Variants in TTN observed in about 807,000 individuals in gnomAD.
The protein encoded by TTN is connectin.
In TTN, 1,525 loss-of-function variants were observed where a neutral mutation model predicts 3,223.0. The ratio of observed to expected loss-of-function variants is 0.47; its 90% CI spans 0.45 to 0.49. TTN has a LOEUF of 0.49. Ranked by LOEUF, TTN falls within the 20% of genes least tolerant of loss-of-function variation. The pLI, the probability that TTN is intolerant of heterozygous loss-of-function variation, is 0.00. For synonymous variants in TTN, 14,094 were observed against 15,161.0 expected (o/e 0.93, Z 5.17); for missense variants, 40,786 against 43,424.0 (o/e 0.94, Z 5.40).
Position 178,557,404 on chromosome 2 carries a change from T to G in TTN, c.87858A>C (p.Lys29286Asn). The change falls in exon 329 of 363, where the codon AAA becomes AAC. Residue 29286 changes from lysine to asparagine, a missense_variant. Lys to Asn is a moderately conservative substitution (Grantham distance 94, BLOSUM62 0). Transcript: ENST00000589042. The stretch of plus-strand genomic sequence containing the variant: ...TTGTGCGGATGACCAGTTTGTTGGC[T>G]TTTTGCCATAAAATACTGTTTCTGT... The part of the protein sequence containing the change: ...MKDRNSILWQ[K>N]ANKLVIRTTH... The G allele has an allele frequency of 1.2e-6, 2 of 1,613,942 alleles. No homozygotes were observed. The highest frequency in any genetic ancestry group is 1.7e-6 in the Non-Finnish European group (2 of 1,179,854).
Position 178,533,062 on chromosome 2 carries a change from G to A in TTN, c.103553C>T (p.Thr34518Ile), listed in dbSNP as rs746885628. ...CTCAAGTCTGAATTCCCCTTTTACA[G>A]TCTTGGTGCTTACAGCCGGTTTATA... ...VLYKPAVSTK[T>I]VKGEFRLEIE... The change falls in exon 358 of 363, where the codon ACT (threonine) becomes ATT (isoleucine). Residue 34518 changes from threonine (T) to isoleucine (I), a missense_variant. By Grantham distance (89) the Thr-to-Ile change is moderately conservative (BLOSUM62 -1). Coordinates refer to ENST00000589042, the MANE Select transcript of TTN (RefSeq NM_001267550.2). The A allele has an allele frequency of 6.2e-7, 1 of 1,613,814 alleles. No individual in the cohort carries two copies. The highest frequency in any genetic ancestry group is 2.2e-5 in the East Asian group (1 of 44,876).
chr2:178,580,170 CAT>C lies in TTN; in HGVS notation c.67115_67116del (p.Tyr22372CysfsTer9), dbSNP rs2154176111. 6.2e-7 allele frequency: 1 copy of C among 1,613,250 alleles called. No homozygotes were observed. The highest frequency in any genetic ancestry group is 8.5e-7 in the Non-Finnish European group (1 of 1,179,500). On this transcript the variant is annotated frameshift_variant, in exon 318 of 363. Coordinates refer to ENST00000589042, the MANE Select transcript of TTN (RefSeq NM_001267550.2). LOFTEE classifies it high-confidence loss of function. ...TCAATAATGGGAGGCTCCCAGGTAA[CAT>C]AAGCAGAGTCTTTGGATATTTCCTT... Reference protein sequence around the residue: ...TVKEISKDSAYVTWEPPIIDG... With the variant: ...TVKEISKDSAXVTWEPPIIDG...
rs397517541 is a variant in TTN, at chr2:178,783,023, G to A, written c.2883C>T (p.Thr961=). ...GGTATCCAGAGATGTGGCACTCCAA[G>A]GTGACAGATTCACCTTCTATGACAG... is the stretch of plus-strand genomic sequence containing the variant. ...NVTVIEGESV[T]LECHISGYPS... is the part of the protein sequence containing the mutation. The change falls in exon 18 of 363, where the codon ACC becomes ACT. Residue 961 remains threonine (T), a synonymous_variant. Transcript: ENST00000589042. 4 of 1,613,900 alleles carry A rather than the reference G, an allele frequency of 2.5e-6. No individual in the cohort carries two copies. In the African/African-American group the frequency reaches 5.3e-5, roughly 22 times the overall value.
At position 178,558,475 on chromosome 2, in the gene TTN, G is replaced by A. The variant is rs754768962; in HGVS notation, c.86984C>T (p.Ala28995Val). ...GGAAACAACGTGATGGGTTGACTTT[G>A]CCACTGCACATTTAACCCAGTTTTT... ...GQKNWVKCAVAKSTHHVVSGL... is the reference protein window; with the variant it reads ...GQKNWVKCAVVKSTHHVVSGL... Residue 28995 changes from alanine to valine, a missense_variant, in exon 327 of 363, where the codon GCA (alanine) becomes GTA (valine). Physicochemically the swap from Ala to Val is moderately conservative, Grantham distance 64. Coordinates refer to ENST00000589042, the MANE Select transcript of TTN (RefSeq NM_001267550.2). 1.2e-6 allele frequency: 2 copies of A among 1,613,820 alleles called. No individual in the cohort carries two copies. Among genetic ancestry groups the A allele is most frequent in the Non-Finnish European group, 1.7e-6 (2 of 1,179,828 alleles).
In TTN at chr2:178,575,405, G is replaced by A; in HGVS notation, c.70727C>T (p.Ser23576Phe). The change falls in exon 326 of 363, where the codon TCT becomes TTT. Residue 23576 changes from serine (S) to phenylalanine (F), a missense_variant. Ser to Phe is a radical substitution (Grantham distance 155). Coordinates refer to ENST00000589042, the MANE Select transcript of TTN (RefSeq NM_001267550.2). This position sits in a 1 kb window ranked among gnomAD's most constrained non-coding sequence, Gnocchi z 4.0. Reference sequence around the variant, plus strand: ...GGTTGTGATGTGGGTCCACTGGTCAGAGCCTTTTCTTTGGGCTTCAATCAC... The same window carrying A: ...GGTTGTGATGTGGGTCCACTGGTCAAAGCCTTTTCTTTGGGCTTCAATCAC... ...GYVIEAQRKGSDQWTHITTVK... is the reference protein window; with the variant it reads ...GYVIEAQRKGFDQWTHITTVK... The A allele has an allele frequency of 6.2e-7, 1 of 1,613,622 alleles. No homozygotes were observed. Among genetic ancestry groups the A allele is most frequent in the Admixed American group, 1.7e-5 (1 of 60,012 alleles).
chr2:178,792,015 C>A lies in TTN; in HGVS notation c.1662+57G>T, dbSNP rs1283972667. 9.5e-6 allele frequency: 15 copies of A among 1,582,086 alleles called. No homozygotes were observed. The East Asian group carries it at 3.4e-4, about 36-fold the overall frequency. ...GGTTTTGACTATAAGCTACCTGCAGCTGGCTGTAATGTGATATTGTCAACA... is the reference window on the plus strand; with the variant it reads ...GGTTTTGACTATAAGCTACCTGCAGATGGCTGTAATGTGATATTGTCAACA... On this transcript the variant is annotated intron_variant, in intron 10 of 362. Coordinates refer to ENST00000589042, the MANE Select transcript of TTN (RefSeq NM_001267550.2).
chr2:178,541,832 G>T, intron 349 of TTN: 3 of 229,930 alleles, frequency 1.3e-5, no homozygotes, highest in Non-Finnish European at 2.5e-5. Context: ...TTGTTACATG[G>T]GTATATTGCA....
In TTN at chr2:178,624,798, A is replaced by G. The variant is rs939018732; in HGVS notation, c.44549-67T>C. 6 of 1,568,308 alleles carry G rather than the reference A, an allele frequency of 3.8e-6. No homozygotes were observed. In the African/African-American group the frequency reaches 8.3e-5, roughly 22 times the overall value. On this transcript the variant is annotated intron_variant, in intron 241 of 362. Transcript: ENST00000589042. ...CTCCAAGAGTTTTGGTACCTTCTCA[A>G]CTTTCCCCTGCCATCTCCAGGGCTT...
chr2:178,734,011 T>C (rs1443822147), intron 52 of TTN, 119 bp from the exon 53 acceptor site: 1 of 1,005,790 alleles, frequency 9.9e-7, no homozygotes, highest in Non-Finnish European at 1.4e-6. Flanking sequence ...TATTTCATAG[T>C]GTTAATTAGA....
intron 47 of TTN, chr2:178,742,867 C>A (rs113615198): frequency 6.6e-6 from 1 of 151,982 alleles, no homozygotes; most frequent in Admixed American, 6.6e-5. Flanking sequence ...CACCTTAATT[C>A]CTTTCTGTTC....
chr2:178,787,012 T>C (rs1001919891), intron 13 of TTN, among the ~76,000 whole-genome samples: 7 of 152,206 alleles, frequency 4.6e-5, no homozygotes, highest in African/African-American at 1.7e-4. Flanking sequence ...TATGATTCTA[T>C]GTGATACTTG....
Position 178,533,758 on chromosome 2 carries a change from T to A in TTN, c.102857A>T (p.Glu34286Val). The A allele has an allele frequency of 6.2e-7, 1 of 1,614,006 alleles. No individual in the cohort carries two copies. Among genetic ancestry groups the A allele is most frequent in the Non-Finnish European group, 8.5e-7 (1 of 1,179,882 alleles). Reference sequence around the variant, plus strand: ...TGATTTATACCATGTTACATGAGGCTCTGGGTGGACAGTTATAGTTACTCC... The same window carrying A: ...TGATTTATACCATGTTACATGAGGCACTGGGTGGACAGTTATAGTTACTCC... ...RFGVTITVHPEPHVTWYKSGQ... is the reference protein window; with the variant it reads ...RFGVTITVHPVPHVTWYKSGQ... The change falls in exon 358 of 363, where the codon GAG becomes GTG. Residue 34286 changes from glutamate to valine, a missense_variant. Physicochemically the swap from Glu to Val is moderately radical, Grantham distance 121 (BLOSUM62 -2). Transcript: ENST00000589042.
At chr2:178,580,265 T>TA in intron 317 of TTN, 36 bp from the exon 318 acceptor site, 1 of 1,605,926 alleles carries the variant, frequency 6.2e-7, no homozygotes, top group Non-Finnish European at 8.5e-7. Flanking sequence ...AATGAATGTG[T>TA]AAAAAATACA....
In TTN at chr2:178,530,809, G is replaced by A. The variant is rs1239639956; in HGVS notation, c.105806C>T (p.Thr35269Ile). Reference sequence around the variant, plus strand: ...AACTTTCTCTGTTGGTGTTGGTTTTGTCTCTGTGGGTGATACGGCTTTCGG... The same window carrying A: ...AACTTTCTCTGTTGGTGTTGGTTTTATCTCTGTGGGTGATACGGCTTTCGG... ...SHPKAVSPTE[T>I]KPTPTEKVQH... The change falls in exon 358 of 363, where the codon ACA becomes ATA. Residue 35269 changes from threonine (T) to isoleucine (I), a missense_variant. Physicochemically the swap from Thr to Ile is moderately conservative, Grantham distance 89. Coordinates refer to ENST00000589042, the MANE Select transcript of TTN (RefSeq NM_001267550.2). 5.0e-6 allele frequency: 8 copies of A among 1,613,844 alleles called. No individual in the cohort carries two copies. The East Asian group carries it at 1.6e-4, about 31-fold the overall frequency.
chr2:178,710,704 C>G lies in TTN; in HGVS notation c.28393G>C (p.Gly9465Arg), dbSNP rs747684566. 6.2e-7 allele frequency: 1 copy of G among 1,613,564 alleles called. No individual in the cohort carries two copies. The highest frequency in any genetic ancestry group is 8.5e-7 in the Non-Finnish European group (1 of 1,179,822). The change falls in exon 98 of 363, where the codon GGA becomes CGA. Residue 9465 changes from glycine (G) to arginine (R), a missense_variant. Coordinates refer to ENST00000589042, the MANE Select transcript of TTN (RefSeq NM_001267550.2). ...TVLKVDKGDS[G>R]QYTCYAVNEV... ...TTCACAGCATAGCAGGTATATTGTCCAGAATCTCCTTTGTCTACTTTGAGG... is the reference window on the plus strand; with the variant it reads ...TTCACAGCATAGCAGGTATATTGTCGAGAATCTCCTTTGTCTACTTTGAGG...
At position 178,571,201 on chromosome 2, in the gene TTN, A is replaced by G. The variant is rs745599428; in HGVS notation, c.74931T>C (p.Val24977=). ...CTGCAGAGACTCTAAATTCATATTC[A>G]ACACCTTCTTCAAGGCCAGTTGTCT... ...KFKTTGLEEG[V]EYEFRVSAEN... The change falls in exon 326 of 363, where the codon GTT becomes GTC. Residue 24977 remains valine, a synonymous_variant. Transcript: ENST00000589042. 1 of 1,613,520 alleles carries G rather than the reference A, an allele frequency of 6.2e-7. No individual in the cohort carries two copies. Among genetic ancestry groups the G allele is most frequent in the East Asian group, 2.2e-5 (1 of 44,810 alleles).
chr2:178,678,174 T>C lies in TTN; in HGVS notation c.33945A>G (p.Glu11315=). The C allele has an allele frequency of 6.2e-7, 1 of 1,611,382 alleles. No homozygotes were observed. Among genetic ancestry groups the C allele is most frequent in the Non-Finnish European group, 8.5e-7 (1 of 1,178,928 alleles). Residue 11315 remains glutamate, a synonymous_variant, in exon 145 of 363, where the codon GAA becomes GAG. Transcript: ENST00000589042. ...TTTTCGGAACAGGTGTTGGTTTCTT[T>C]TCTTCTGGGATGAGCTTCTTGGGCA... is the stretch of plus-strand genomic sequence containing the variant. ...PEVPKKLIPE[E]KKPTPVPKKV...
At position 178,601,274 on chromosome 2, in the gene TTN, C is replaced by A. The variant is rs368524442; in HGVS notation, c.55723G>T (p.Asp18575Tyr). 6.5e-7 allele frequency: 1 copy of A among 1,549,442 alleles called. No homozygotes were observed. The highest frequency in any genetic ancestry group is 8.7e-7 in the Non-Finnish European group (1 of 1,151,834). The change falls in exon 287 of 363, where the codon GAT (aspartate) becomes TAT (tyrosine). Residue 18575 changes from aspartate (D) to tyrosine (Y), a missense_variant. Coordinates refer to ENST00000589042, the MANE Select transcript of TTN (RefSeq NM_001267550.2). Reference sequence around the variant, plus strand: ...AGATTTTAAAGCTTACATATCGGATCTCTGGCAGTGGTCCTCTGAATGGTT... The same window carrying A: ...AGATTTTAAAGCTTACATATCGGATATCTGGCAGTGGTCCTCTGAATGGTT... ...VETIQRTTARDPIYPPDPPIK... is the reference protein window; with the variant it reads ...VETIQRTTARYPIYPPDPPIK...
At chr2:178,659,471 G>C (rs1448724397) in intron 180 of TTN, among the ~76,000 whole-genome samples, 6 of 146,126 alleles carry the variant, frequency 4.1e-5, no homozygotes, top group African/African-American at 1.5e-4. Flanking sequence ...GATGCAGAAA[G>C]GGCCTTTGAC....
Sources: gnomAD v4.1 joint callset for allele counts (sites outside exome capture counted in the v4.1 genomes callset) on GRCh38, gnomAD v4.1.1 for gene constraint, Gnocchi (gnomAD v3.1) non-coding constraint, MANE v1.5 for transcripts, NCBI Gene and HGNC (gene_info 2026-07-23, HGNC 2026-07-21) for gene names.